The following PDE8B variants were observed in gnomAD, a reference collection of about 807,000 sequenced individuals.
The protein encoded by PDE8B is high affinity cAMP-specific and IBMX-insensitive 3',5'-cyclic phosphodiesterase 8B.
PDE8B carries 26 observed loss-of-function variants against 101.3 expected under a neutral mutation model. The ratio of observed to expected loss-of-function variants is 0.26; its 90% CI spans 0.19 to 0.36. PDE8B has a LOEUF of 0.36. PDE8B is among the 10% of genes least tolerant of loss of function. The probability of loss-of-function intolerance (pLI) is 1.00; values close to 1 mark genes in which losing one functional copy is unlikely to be tolerated. For synonymous variants in PDE8B, 424 were observed against 429.3 expected, an observed-to-expected ratio of 0.99 and a Z score of 0.15; for missense variants, 810 against 1,163.1, an observed-to-expected ratio of 0.70 and a Z score of 4.42.
the PDE8B span, among the ~76,000 whole-genome samples, chr5:77,089,872 T>A: frequency 2.6e-4 from 40 of 152,106 alleles, no homozygotes; most frequent in Non-Finnish European, 1.5e-4. Flanking sequence ...CTATTCACAA[T>A]AGCCAAGATA....
chr5:77,131,996 G>A, the PDE8B span, among the ~76,000 whole-genome samples: 2 of 152,098 alleles, frequency 1.3e-5, no homozygotes, highest in Admixed American at 6.6e-5. Flanking sequence ...ATCAAACACG[G>A]TGCATAATTA....
At chr5:77,307,501 G>A (rs1561502531) in intron 1 of PDE8B, among the ~76,000 whole-genome samples, 1 of 152,134 alleles carries the variant, frequency 6.6e-6, no homozygotes, top group African/African-American at 2.4e-5. Flanking sequence ...ATGAAATGAT[G>A]TATTCCTAAT....
Position 77,418,445 on chromosome 5 carries a change from A to G in PDE8B, c.2128A>G (p.Arg710Gly). The change falls in exon 18 of 22, where the codon AGG becomes GGG. Residue 710 changes from arginine (R) to glycine (G), a missense_variant and splice_region_variant. Transcript: ENST00000264917. The stretch of plus-strand genomic sequence containing the variant: ...ATGCAACATTTTCAAGAATATTGAC[A>G]GGTTTGTTGTGCTGGGGCTCCTGTG... ...TKCNIFKNID[R>G]NHYRTLRQAI... The G allele has an allele frequency of 1.2e-6, 2 of 1,609,584 alleles. No homozygotes were observed. The highest frequency in any genetic ancestry group is 3.3e-4 in the Middle Eastern group (2 of 6,060).
rs1581578823 is a variant in PDE8B, at chr5:77,414,576, A to G, written c.1911+1267A>G. ...GCTGGGACTACAGGCGTAGGCCACC[A>G]TGCCCAGCCGATTTTTTTTTTTTTT... On this transcript the variant is annotated intron_variant, in intron 17 of 21. Transcript: ENST00000264917. 2.0e-5 allele frequency among the ~76,000 whole-genome samples: 3 copies of G among 147,212 alleles called. No homozygotes were observed. In the Admixed American group the frequency reaches 2.0e-4, roughly 10 times the overall value.
At chr5:77,356,900 G>A (rs1414976803) in intron 10 of PDE8B, among the ~76,000 whole-genome samples, 2 of 152,144 alleles carry the variant, frequency 1.3e-5, no homozygotes, top group African/African-American at 4.8e-5. Context: ...TTTTGCAGGT[G>A]ACGGGATGCT....
intron 10 of PDE8B, among the ~76,000 whole-genome samples, chr5:77,383,905 C>A (rs539201885): frequency 6.6e-6 from 1 of 152,258 alleles, no homozygotes; most frequent in African/African-American, 2.4e-5. Flanking sequence ...AGTTTGAAGT[C>A]AGGTAGCATG....
the PDE8B span, chr5:77,118,511 A>C: frequency 2.5e-6 from 1 of 397,694 alleles, no homozygotes; most frequent in Non-Finnish European, 4.4e-6. Context: ...GTCTTGTATG[A>C]AACCTGTGAG....
the PDE8B span, among the ~76,000 whole-genome samples, chr5:77,097,108 C>T: frequency 6.6e-6 from 1 of 151,810 alleles, no homozygotes. Context: ...ACATCTTTGG[C>T]TGGATTTGAA....
chr5:77,365,210 A>G (rs985801052), intron 10 of PDE8B, among the ~76,000 whole-genome samples: 2 of 152,140 alleles, frequency 1.3e-5, no homozygotes, highest in African/African-American at 4.8e-5. Context: ...GAAAACAACA[A>G]CAACAAAAAC....
chr5:77,426,415 GTTTCT>G lies in PDE8B; in HGVS notation c.2549-26_2549-22del, dbSNP rs1216427527. The G allele has an allele frequency of 1.1e-5, 16 of 1,467,622 alleles. No homozygotes were observed. Among genetic ancestry groups the G allele is most frequent in the Admixed American group, 3.4e-5 (2 of 59,536 alleles). The allele number at this position is 1,467,622 out of a possible 1,614,324, so 90.9% of individuals were successfully genotyped here. A position where few individuals can be genotyped will look rare whatever the true frequency, so the allele number is the denominator to read the frequency against. On this transcript the variant is annotated intron_variant, in intron 21 of 21. Coordinates refer to ENST00000264917, the MANE Select transcript of PDE8B (RefSeq NM_003719.5). ...ATGCTCCTGGGGTCTAAGTTCACCGGTTTCTTTTGATTCTTTTCTGTCTTTGCAGC... is the reference window on the plus strand; with the variant it reads ...ATGCTCCTGGGGTCTAAGTTCACCGGTTTGATTCTTTTCTGTCTTTGCAGC...
At chr5:77,292,094 C>G (rs540686584) in intron 1 of PDE8B, among the ~76,000 whole-genome samples, 2 of 151,118 alleles carry the variant, frequency 1.3e-5, no homozygotes, top group African/African-American at 2.4e-5. Flanking sequence ...AAGTAATCTT[C>G]CATTTACCAA....
At chr5:77,425,212 A>G (rs1797773688) in intron 20 of PDE8B, among the ~76,000 whole-genome samples, 2 of 152,186 alleles carry the variant, frequency 1.3e-5, no homozygotes, top group African/African-American at 4.8e-5. Context: ...GATCCCAGAA[A>G]AGGGGCTAAG....
At chr5:77,159,814 G>C in the PDE8B span, among the ~76,000 whole-genome samples, 1 of 152,108 alleles carries the variant, frequency 6.6e-6, no homozygotes, top group Non-Finnish European at 1.5e-5. Flanking sequence ...ATGAAGGGTT[G>C]GTCTCCTCTG....
chr5:77,186,884 T>C, the PDE8B span, among the ~76,000 whole-genome samples: 1 of 152,114 alleles, frequency 6.6e-6, no homozygotes, highest in Non-Finnish European at 1.5e-5. Flanking sequence ...GCAAGCTGTG[T>C]TTCCCATTCT....
At chr5:77,322,989 A>G (rs1471252802) in intron 2 of PDE8B, among the ~76,000 whole-genome samples, 4 of 152,250 alleles carry the variant, frequency 2.6e-5, no homozygotes, top group African/African-American at 9.6e-5. Flanking sequence ...TCAAGGAAAT[A>G]TAAATTGCTG....
Position 77,210,684 on chromosome 5 carries a change from A to T in PDE8B, c.-242A>T, listed in dbSNP as rs1006574881. 2.7e-5 allele frequency: 26 copies of T among 979,266 alleles called. No homozygotes were observed. Among genetic ancestry groups the T allele is most frequent in the Non-Finnish European group, 2.9e-5 (24 of 827,314 alleles). 60.7% of individuals were successfully genotyped at this position (979,266 alleles called of 1,614,324 possible). On this transcript the variant is annotated 5_prime_UTR_variant, in exon 1 of 22. An upstream start codon of the reference 5' UTR is lost. Transcript: ENST00000264917. The surrounding 1 kb of genome is among the most constrained non-coding windows in gnomAD (Gnocchi z 4.9). Reference sequence around the variant, plus strand: ...CGCTGGTGCGCGCGGGGCGCTGTGTATGCGCGCTCCCCCGCTCGGGGAGGA... The same window carrying T: ...CGCTGGTGCGCGCGGGGCGCTGTGTTTGCGCGCTCCCCCGCTCGGGGAGGA...
At chr5:77,337,371 T>A in intron 6 of PDE8B, 56 bp downstream of exon 6, 1 of 902,308 alleles carries the variant, frequency 1.1e-6, no homozygotes, top group South Asian at 1.4e-5. Context: ...GAAAATCTTA[T>A]CTGTCAACAG....
At chr5:77,135,290 T>C in the PDE8B span, among the ~76,000 whole-genome samples, 2 of 152,178 alleles carry the variant, frequency 1.3e-5, no homozygotes, top group African/African-American at 2.4e-5. Flanking sequence ...TTCACAGGCA[T>C]TTCTCCCAAT....
At chr5:77,240,303 G>A (rs974175324) in intron 1 of PDE8B, among the ~76,000 whole-genome samples, 7 of 152,082 alleles carry the variant, frequency 4.6e-5, no homozygotes, top group Non-Finnish European at 8.8e-5. Context: ...ACAGACGCCC[G>A]CCACCGCGCC....
Sources: gnomAD v4.1 joint callset for allele counts (sites outside exome capture counted in the v4.1 genomes callset) on GRCh38, gnomAD v4.1.1 for gene constraint, Gnocchi (gnomAD v3.1) non-coding constraint, MANE v1.5 for transcripts, NCBI Gene and HGNC (gene_info 2026-07-23, HGNC 2026-07-21) for gene names.